Variants in AP1AR observed in about 807,000 individuals in gnomAD.
The protein encoded by AP1AR is adaptor related protein complex 1 associated regulatory protein, also known as AP-1 complex-associated regulatory protein.
Under a neutral mutation model 46.3 loss-of-function variants are expected in AP1AR, and 29 were observed. The observed-to-expected ratio is 0.63, with a 90% CI of 0.47 to 0.85. The LOEUF is 0.85. AP1AR is among the 40% of genes least tolerant of loss of function. The probability of loss-of-function intolerance (pLI) is 0.00; values close to 1 mark genes in which losing one functional copy is unlikely to be tolerated. For synonymous variants in AP1AR, 122 were observed against 122.9 expected (o/e 0.99, Z 0.05); for missense variants, 357 against 356.3 (o/e 1.00, Z -0.02).
At position 112,253,682 on chromosome 4, in the gene AP1AR, C is replaced by T. The variant is rs142852147; in HGVS notation, c.132+426C>T. Among the ~76,000 whole-genome samples the T allele has an allele frequency of 2.0e-5, 3 of 152,272 alleles. No homozygotes were observed. In the East Asian group the frequency reaches 5.8e-4, roughly 29 times the overall value. Reference sequence around the variant, plus strand: ...ATAATAATAGAAACTACCATTTATTCCTTACCTACTATAAACTAGCCACTC... The same window carrying T: ...ATAATAATAGAAACTACCATTTATTTCTTACCTACTATAAACTAGCCACTC... On this transcript the variant is annotated intron_variant, in intron 2 of 9. Coordinates refer to ENST00000274000, the MANE Select transcript of AP1AR (RefSeq NM_018569.6).
intron 1 of AP1AR, among the ~76,000 whole-genome samples, chr4:112,237,281 A>AT (rs1725283901): frequency 1.3e-5 from 2 of 151,208 alleles, no homozygotes; most frequent in Admixed American, 6.6e-5. Context: ...TAATTTTTGT[A>AT]TTTTTTAGTA....
chr4:112,262,844 A>G (rs757818662), intron 5 of AP1AR, 144 bp from the exon 6 acceptor site: 8 of 626,674 alleles, frequency 1.3e-5, no homozygotes, highest in Non-Finnish European at 2.2e-5. Context: ...AACAATTGCA[A>G]ACATTTCAAT....
chr4:112,245,114 A>G (rs1292329166), intron 1 of AP1AR, among the ~76,000 whole-genome samples: 2 of 152,202 alleles, frequency 1.3e-5, no homozygotes, highest in Admixed American at 1.3e-4. Context: ...TATTGAAAAT[A>G]GTAGATCAGA....
chr4:112,265,758 A>T lies in AP1AR; in HGVS notation c.465A>T (p.Glu155Asp), dbSNP rs767376223. Residue 155 changes from glutamate to aspartate, a missense_variant, in exon 8 of 10, where the codon GAA becomes GAT. By Grantham distance (45) the Glu-to-Asp change is conservative. Coordinates refer to ENST00000274000, the MANE Select transcript of AP1AR (RefSeq NM_018569.6). ...YQSSGPEDDFESCLRNMKSQY... is the reference protein window; with the variant it reads ...YQSSGPEDDFDSCLRNMKSQY... Reference sequence around the variant, plus strand: ...GTTCAGGACCAGAAGATGACTTCGAATCTTGTTTGAGAAATATGAAGTCAC... The same window carrying T: ...GTTCAGGACCAGAAGATGACTTCGATTCTTGTTTGAGAAATATGAAGTCAC... 6.2e-7 allele frequency: 1 copy of T among 1,609,768 alleles called. No homozygotes were observed. Among genetic ancestry groups the T allele is most frequent in the Admixed American group, 1.7e-5 (1 of 59,544 alleles).
At chr4:112,239,996 G>A (rs756535693) in intron 1 of AP1AR, among the ~76,000 whole-genome samples, 43 of 152,208 alleles carry the variant, frequency 2.8e-4, no homozygotes, top group Non-Finnish European at 5.4e-4. Context: ...CCCTGGAATC[G>A]AAGTGATCTT....
Position 112,271,351 on chromosome 4 carries a change from G to A in AP1AR, c.*2942G>A, listed in dbSNP as rs1726943045. Among the ~76,000 whole-genome samples the A allele has an allele frequency of 6.6e-6, 1 of 152,374 alleles. No individual in the cohort carries two copies. Among genetic ancestry groups the A allele is most frequent in the Admixed American group, 6.5e-5 (1 of 15,310 alleles). The stretch of plus-strand genomic sequence containing the variant: ...CCAGTGACCTCACTCTCATTCAGGT[G>A]CAGATACCGACTATAAAAATGTTTA... On this transcript the variant is annotated 3_prime_UTR_variant, in exon 10 of 10. Transcript: ENST00000274000.
intron 7 of AP1AR, 87 bp from the exon 8 acceptor site, chr4:112,265,647 C>T: frequency 1.1e-6 from 1 of 948,726 alleles, no homozygotes; most frequent in African/African-American, 1.7e-5. Context: ...CATAGGTCTT[C>T]AAGCCACAAT....
intron 3 of AP1AR, among the ~76,000 whole-genome samples, chr4:112,257,143 C>T (rs1350332288): frequency 6.6e-6 from 1 of 152,072 alleles, no homozygotes; most frequent in Non-Finnish European, 1.5e-5. Flanking sequence ...CAGAAATCAC[C>T]AGCAAAAAAG....
chr4:112,234,928 C>T (rs1438474144), intron 1 of AP1AR, among the ~76,000 whole-genome samples: 1 of 152,090 alleles, frequency 6.6e-6, no homozygotes, highest in African/African-American at 2.4e-5. Flanking sequence ...AATCAGATCA[C>T]TCGTTTTTTA....
intron 4 of AP1AR, among the ~76,000 whole-genome samples, 179 bp downstream of exon 4, chr4:112,257,976 T>C (rs1481327235): frequency 6.6e-6 from 1 of 152,174 alleles, no homozygotes; most frequent in African/African-American, 2.4e-5. Flanking sequence ...AAAGACTGTT[T>C]TGAATATTAA....
At chr4:112,266,135 T>C (rs780685936) in intron 8 of AP1AR, among the ~76,000 whole-genome samples, 12 of 151,870 alleles carry the variant, frequency 7.9e-5, no homozygotes, top group Non-Finnish European at 1.3e-4. Flanking sequence ...ACTTATTTTT[T>C]ACTTATTACA....
chr4:112,255,019 G>A (rs1726122348), intron 3 of AP1AR: 1 of 220,382 alleles, frequency 4.5e-6, no homozygotes, highest in Admixed American at 5.9e-5. Flanking sequence ...GGAGTGCAGT[G>A]GCGGGATCTC....
chr4:112,234,991 A>G (rs1192250772), intron 1 of AP1AR, among the ~76,000 whole-genome samples: 1 of 152,208 alleles, frequency 6.6e-6, no homozygotes, highest in Non-Finnish European at 1.5e-5. Context: ...ATAAAATACT[A>G]GGGAATTCTA....
Position 112,266,599 on chromosome 4 carries a change from G to C in AP1AR, c.526G>C (p.Asp176His). Residue 176 changes from aspartate to histidine, a missense_variant, in exon 9 of 10, where the codon GAT becomes CAT. This residue lies in a region of AP1AR where 269 missense variants were observed against 223.6 expected (regional missense o/e 1.20). Coordinates refer to ENST00000274000, the MANE Select transcript of AP1AR (RefSeq NM_018569.6). ...EVFRSSRLSS[D>H]ATVLTPNTES... ...CGTGTATATTCTAGGACTCTCATCA[G>C]ATGCTACAGTTTTGACACCAAATAC... is the stretch of plus-strand genomic sequence containing the variant. 6.2e-7 allele frequency: 1 copy of C among 1,610,104 alleles called. No homozygotes were observed. Among genetic ancestry groups the C allele is most frequent in the Non-Finnish European group, 8.5e-7 (1 of 1,177,492 alleles).
At position 112,265,081 on chromosome 4, in the gene AP1AR, C is replaced by T; in HGVS notation, c.440+14C>T. 1 of 1,587,542 alleles carries T rather than the reference C, an allele frequency of 6.3e-7. No individual in the cohort carries two copies. The highest frequency in any genetic ancestry group is 8.6e-7 in the Non-Finnish European group (1 of 1,166,928). ...AGAATATCAAAGGTAAATAGTGAAACATATGCCTCCTTCCCTTTGTGGTAG... is the reference window on the plus strand; with the variant it reads ...AGAATATCAAAGGTAAATAGTGAAATATATGCCTCCTTCCCTTTGTGGTAG... On this transcript the variant is annotated intron_variant, in intron 7 of 9. Coordinates refer to ENST00000274000, the MANE Select transcript of AP1AR (RefSeq NM_018569.6).
intron 6 of AP1AR, among the ~76,000 whole-genome samples, chr4:112,264,070 T>A (rs1343356811): frequency 6.6e-6 from 1 of 152,188 alleles, no homozygotes; most frequent in African/African-American, 2.4e-5. Context: ...CCCCCAACTT[T>A]CCTTCATTTT....
At chr4:112,248,534 T>C (rs1438551099) in intron 1 of AP1AR, among the ~76,000 whole-genome samples, 1 of 152,092 alleles carries the variant, frequency 6.6e-6, no homozygotes, top group Non-Finnish European at 1.5e-5. Flanking sequence ...AAAAGGAGTA[T>C]AGTATAAATG....
intron 1 of AP1AR, among the ~76,000 whole-genome samples, chr4:112,236,653 G>A (rs192606620): frequency 1.6e-3 from 249 of 152,142 alleles, no homozygotes; most frequent in African/African-American, 5.3e-3. Flanking sequence ...TGCCCACCTC[G>A]GCTTCCCAAA....
intron 1 of AP1AR, among the ~76,000 whole-genome samples, chr4:112,235,753 C>G (rs1482793809): frequency 6.6e-6 from 1 of 152,154 alleles, no homozygotes; most frequent in Non-Finnish European, 1.5e-5. Context: ...GTTCATGGCA[C>G]TTTATTCTAT....
Sources: allele counts gnomAD v4.1 joint callset (sites outside exome capture counted in the v4.1 genomes callset), GRCh38; gene constraint gnomAD v4.1.1; regional missense constraint gnomAD v4.1.1; transcripts MANE v1.5; gene names NCBI Gene and HGNC (gene_info 2026-07-23, HGNC 2026-07-21).